The following DTWD2 variants were observed in gnomAD, a reference collection of about 807,000 sequenced individuals.
DTWD2 encodes DTW motif tRNA-uridine aminocarboxypropyltransferase 2, also known as tRNA-uridine aminocarboxypropyltransferase 2.
In DTWD2, 39 loss-of-function variants were observed where a neutral mutation model predicts 31.8. The ratio of observed to expected loss-of-function variants is 1.22; its 90% confidence interval spans 0.95 to 1.60. The LOEUF (loss-of-function observed/expected upper bound fraction) is 1.60, where lower values mean the gene tolerates loss of function less well. DTWD2 is among the 40% of genes most tolerant of loss of function. The pLI, the probability that DTWD2 is intolerant of heterozygous loss-of-function variation, is 0.00. For synonymous variants in DTWD2, 180 were observed against 142.8 expected, an observed-to-expected ratio of 1.26 and a Z score of -1.86; for missense variants, 515 against 381.5, an observed-to-expected ratio of 1.35 and a Z score of -2.92.
intron 2 of DTWD2, among the ~76,000 whole-genome samples, chr5:118,943,945 G>A (rs371832065): frequency 6.6e-6 from 1 of 152,150 alleles, no homozygotes; most frequent in Non-Finnish European, 1.5e-5. Flanking sequence ...TAATTTCATA[G>A]TATGCATTGA....
At chr5:118,901,104 T>C (rs1403896630) in intron 4 of DTWD2, among the ~76,000 whole-genome samples, 1 of 152,080 alleles carries the variant, frequency 6.6e-6, no homozygotes, top group Non-Finnish European at 1.5e-5. Flanking sequence ...TATAATTACA[T>C]TTATAATTAC....
At chr5:118,950,231 A>G (rs973575664) in intron 1 of DTWD2, among the ~76,000 whole-genome samples, 7 of 151,534 alleles carry the variant, frequency 4.6e-5, no homozygotes, top group Non-Finnish European at 7.4e-5. Flanking sequence ...AAAAAAAAAA[A>G]AAAAAAGAAT....
chr5:118,978,161 C>G (rs1580453451), intron 1 of DTWD2, among the ~76,000 whole-genome samples: 1 of 151,416 alleles, frequency 6.6e-6, no homozygotes, highest in African/African-American at 2.4e-5. Flanking sequence ...GGAGAACTGG[C>G]TAGCCATATG....
intron 4 of DTWD2, among the ~76,000 whole-genome samples, chr5:118,869,050 A>G (rs1752443659): frequency 6.6e-6 from 1 of 152,120 alleles, no homozygotes; most frequent in Non-Finnish European, 1.5e-5. Context: ...TTGGAGCACA[A>G]AAAAAAGGAA....
At chr5:118,879,936 T>G (rs1315438992) in intron 4 of DTWD2, among the ~76,000 whole-genome samples, 1 of 152,196 alleles carries the variant, frequency 6.6e-6, no homozygotes, top group African/African-American at 2.4e-5. Flanking sequence ...AACCTGCCCA[T>G]GTACCCCTAA....
chr5:118,956,027 C>T (rs1754576905), intron 1 of DTWD2, among the ~76,000 whole-genome samples: 1 of 152,092 alleles, frequency 6.6e-6, no homozygotes, highest in Non-Finnish European at 1.5e-5. Flanking sequence ...TATAATGTCA[C>T]TACCAATGTT....
intron 4 of DTWD2, among the ~76,000 whole-genome samples, chr5:118,911,142 A>G (rs1043693796): frequency 6.6e-6 from 1 of 152,244 alleles, no homozygotes; most frequent in African/African-American, 2.4e-5. Flanking sequence ...CCCAATTAAT[A>G]AATCAGCAAA....
chr5:118,954,866 T>C (rs1302531140), intron 1 of DTWD2, among the ~76,000 whole-genome samples: 1 of 152,200 alleles, frequency 6.6e-6, no homozygotes, highest in Non-Finnish European at 1.5e-5. Flanking sequence ...CTTTGAATGC[T>C]TTTCTCCTCC....
chr5:118,899,191 C>T (rs1196621633), intron 4 of DTWD2, among the ~76,000 whole-genome samples: 4 of 152,166 alleles, frequency 2.6e-5, no homozygotes, highest in Admixed American at 2.6e-4. Flanking sequence ...GAAGTGCTGT[C>T]TAGAGTTCCT....
At chr5:118,868,295 TA>T (rs1279721988) in intron 4 of DTWD2, among the ~76,000 whole-genome samples, 7 of 151,830 alleles carry the variant, frequency 4.6e-5, no homozygotes, top group Non-Finnish European at 8.8e-5. Flanking sequence ...CCATAAGTGC[TA>T]AAACTATAAA....
intron 3 of DTWD2, among the ~76,000 whole-genome samples, chr5:118,934,675 C>A (rs751524462): frequency 1.3e-5 from 2 of 151,984 alleles, no homozygotes; most frequent in Non-Finnish European, 2.9e-5. Flanking sequence ...ACTGATAGGA[C>A]TAATAGAAGA....
intron 4 of DTWD2, among the ~76,000 whole-genome samples, chr5:118,902,283 T>C (rs997863477): frequency 6.6e-6 from 1 of 152,202 alleles, no homozygotes; most frequent in South Asian, 2.1e-4. Flanking sequence ...ACCTGAAACA[T>C]AGTAGAAACT....
chr5:118,858,364 T>C (rs988225149), intron 4 of DTWD2, among the ~76,000 whole-genome samples: 6 of 152,174 alleles, frequency 3.9e-5, no homozygotes, highest in African/African-American at 1.4e-4. Flanking sequence ...CCCACCCAAG[T>C]TTCTAATGTT....
intron 1 of DTWD2, among the ~76,000 whole-genome samples, chr5:118,977,059 T>A (rs189714714): frequency 2.6e-5 from 4 of 152,182 alleles, no homozygotes; most frequent in Admixed American, 6.5e-5. Context: ...ATGTAATCCA[T>A]CACATAAACA....
chr5:118,879,781 A>C (rs1054249874), intron 4 of DTWD2, among the ~76,000 whole-genome samples: 95 of 152,104 alleles, frequency 6.2e-4, no homozygotes, highest in Non-Finnish European at 1.8e-4. Context: ...AGAGGGAAAC[A>C]ACACACATTG....
intron 4 of DTWD2, among the ~76,000 whole-genome samples, chr5:118,876,770 T>C (rs563005704): frequency 4.6e-5 from 7 of 152,246 alleles, no homozygotes; most frequent in South Asian, 4.1e-4. Context: ...AAGGACCAGA[T>C]GGATTCACAG....
In DTWD2 at chr5:118,907,960, AT is replaced by A. The variant is rs569167065; in HGVS notation, c.597+20576del. Among the ~76,000 whole-genome samples the A allele has an allele frequency of 4.6e-3, 702 of 152,320 alleles. 6 individuals are homozygous for A. Among genetic ancestry groups the A allele is most frequent in the African/African-American group, 0.017 (688 of 41,566 alleles). On this transcript the variant is annotated intron_variant, in intron 4 of 5. Transcript: ENST00000510708. ...AATACTTAGAGAAATACTCAGAATA[AT>A]TTTTAAACAAATATTTGGGCACCCA...
At chr5:118,871,269 T>TC (rs1752499172) in intron 4 of DTWD2, among the ~76,000 whole-genome samples, 1 of 152,206 alleles carries the variant, frequency 6.6e-6, no homozygotes, top group Admixed American at 6.5e-5. Context: ...CTTGAACCCC[T>TC]CAAAGTCATC....
At chr5:118,907,057 T>C (rs2149568708) in intron 4 of DTWD2, among the ~76,000 whole-genome samples, 1 of 152,212 alleles carries the variant, frequency 6.6e-6, no homozygotes, top group African/African-American at 2.4e-5. Flanking sequence ...CACCTGGAAA[T>C]TTTCCTGTTT....
Sources: gnomAD v4.1 joint callset for allele counts (sites outside exome capture counted in the v4.1 genomes callset) on GRCh38, gnomAD v4.1.1 for gene constraint, MANE v1.5 for transcripts, NCBI Gene and HGNC (gene_info 2026-07-23, HGNC 2026-07-21) for gene names.